NFYC: variants seen among roughly 807,000 people sequenced by gnomAD.
NFYC encodes nuclear transcription factor Y subunit gamma.
In NFYC, 25 loss-of-function variants were observed where a neutral mutation model predicts 53.1. The ratio of observed to expected loss-of-function variants is 0.47; its 90% CI spans 0.34 to 0.66. NFYC has a LOEUF of 0.66. Among genes scored for constraint, NFYC ranks in the 30% least tolerant of loss-of-function variants. The pLI is 0.01. For synonymous variants in NFYC, 145 were observed against 152.6 expected (o/e 0.95, Z 0.37); for missense variants, 260 against 422.7 (o/e 0.62, Z 3.38).
At chr1:40,699,686 C>T (rs1643337390) in intron 1 of NFYC, among the ~76,000 whole-genome samples, 1 of 152,158 alleles carries the variant, frequency 6.6e-6, no homozygotes, top group Non-Finnish European at 1.5e-5. Context: ...GTGTGTAAAA[C>T]TCTAACCATT....
At chr1:40,739,964 A>C (rs762804871) in intron 2 of NFYC, among the ~76,000 whole-genome samples, 1 of 152,192 alleles carries the variant, frequency 6.6e-6, no homozygotes, top group Non-Finnish European at 1.5e-5. Flanking sequence ...CCTGGAGGTT[A>C]CTGTGTGTTT....
intron 6 of NFYC, among the ~76,000 whole-genome samples, chr1:40,759,313 T>C (rs1233322637): frequency 6.6e-6 from 1 of 151,592 alleles, no homozygotes; most frequent in Non-Finnish European, 1.5e-5. Flanking sequence ...GGCAGGAGGA[T>C]TGCTTGAGCC....
intron 1 of NFYC, among the ~76,000 whole-genome samples, chr1:40,738,063 C>T (rs1308466410): frequency 3.3e-5 from 5 of 151,866 alleles, no homozygotes; most frequent in Non-Finnish European, 5.9e-5. Context: ...CCACTACGCC[C>T]GGCTAATTTT....
intron 1 of NFYC, chr1:40,692,079 C>T (rs544443421): frequency 3.6e-4 from 72 of 198,080 alleles, no homozygotes; most frequent in African/African-American, 1.6e-3. Context: ...CTCGTCGGCC[C>T]GGCCCGCGGG....
chr1:40,738,624 A>G (rs539272995), intron 1 of NFYC, among the ~76,000 whole-genome samples: 1 of 152,346 alleles, frequency 6.6e-6, no homozygotes, highest in South Asian at 2.1e-4. Flanking sequence ...AGTAGTCTCT[A>G]TGGTATAAGC....
intron 1 of NFYC, among the ~76,000 whole-genome samples, chr1:40,706,361 C>T (rs971452507): frequency 6.6e-6 from 1 of 152,072 alleles, no homozygotes; most frequent in African/African-American, 2.4e-5. Context: ...GTTCAGAAAT[C>T]ATTTCATTTC....
intron 7 of NFYC, chr1:40,763,609 AG>A: frequency 2.9e-6 from 1 of 347,328 alleles, no homozygotes; most frequent in South Asian, 2.2e-5. Flanking sequence ...GGCCTCCCAA[AG>A]TGCTGGGATT....
At chr1:40,768,587 T>C (rs917949998) in intron 8 of NFYC, 1 of 152,380 alleles carries the variant, frequency 6.6e-6, no homozygotes, top group Admixed American at 6.5e-5. Context: ...TAGGAACACA[T>C]GTGCATGCAC....
In NFYC at chr1:40,702,920, G is replaced by T. The variant is rs138197228; in HGVS notation, c.-9+11053G>T. The stretch of plus-strand genomic sequence containing the variant: ...CATCCTCCACCTCCCAGGTTCAAGC[G>T]ATTCTGCTGCCCCAGCCTCCCGAGT... On this transcript the variant is annotated intron_variant, in intron 1 of 9. Transcript: ENST00000447388. 3.9e-3 allele frequency among the ~76,000 whole-genome samples: 594 copies of T among 152,138 alleles called. 4 individuals are homozygous for T. Among genetic ancestry groups the T allele is most frequent in the Admixed American group, 6.2e-3 (95 of 15,292 alleles).
chr1:40,716,978 A>T (rs1644159756), intron 1 of NFYC, among the ~76,000 whole-genome samples: 1 of 152,164 alleles, frequency 6.6e-6, no homozygotes, highest in Non-Finnish European at 1.5e-5. Context: ...GGAAAAGAAG[A>T]TAGATTTGAT....
chr1:40,691,738 C>G lies in NFYC; in HGVS notation c.-138C>G, dbSNP rs564595960. 3.7e-3 allele frequency: 1,698 copies of G among 455,546 alleles called. 16 individuals carry two copies. Among genetic ancestry groups the G allele is most frequent in the African/African-American group, 0.021 (1,058 of 50,052 alleles). 28.2% of individuals were successfully genotyped at this position (455,546 alleles called of 1,614,324 possible). On this transcript the variant is annotated 5_prime_UTR_variant, in exon 1 of 10. Coordinates refer to ENST00000447388, the MANE Select transcript of NFYC (RefSeq NM_014223.5). The stretch of plus-strand genomic sequence containing the variant: ...GTGGCCGCCATCTTGCTTGTGCCCC[C>G]GCTTCGCGCGCGCTCCGTTCTCCGT...
chr1:40,720,366 A>G (rs1644285399), intron 1 of NFYC, among the ~76,000 whole-genome samples: 1 of 152,050 alleles, frequency 6.6e-6, no homozygotes, highest in Admixed American at 6.6e-5. Context: ...CACCAGCACA[A>G]TCTCCCATTT....
intron 1 of NFYC, chr1:40,735,742 C>T: frequency 8.1e-6 from 8 of 985,262 alleles, no homozygotes; most frequent in Non-Finnish European, 9.6e-6. Context: ...GGGACCCATG[C>T]AATAAAAGGT....
In NFYC at chr1:40,762,950, A is replaced by C; in HGVS notation, c.624A>C (p.Pro208=). Residue 208 remains proline, a synonymous_variant, in exon 7 of 10, where the codon CCA becomes CCC. Transcript: ENST00000447388. The part of the protein sequence containing the change: ...GQQVQIVQAQ[P]QGQAQQAQSG... The stretch of plus-strand genomic sequence containing the variant: ...AGGTGCAGATTGTCCAGGCTCAGCC[A>C]CAGGGTCAAGCCCAACAGGCCCAGA... 9 of 1,611,794 alleles carry C rather than the reference A, an allele frequency of 5.6e-6. No individual in the cohort carries two copies. The highest frequency in any genetic ancestry group is 7.6e-6 in the Non-Finnish European group (9 of 1,178,782).
rs1001369500 is a variant in NFYC at position 40,747,664 on chromosome 1, GCTCATTT to G, written c.177+63_177+69del. 153 of 1,120,166 alleles carry G rather than the reference GCTCATTT, an allele frequency of 1.4e-4. 1 individual carries two copies. The Admixed American group carries it at 2.6e-3, about 19-fold the overall frequency. 69.4% of individuals were successfully genotyped at this position (1,120,166 alleles called of 1,614,324 possible). On this transcript the variant is annotated intron_variant, in intron 3 of 9. Transcript: ENST00000447388. ...GAAGCTAAGTGATGGGTAGGTTATTGCTCATTTCTCTAGAGCTCAAAGTTTAATTAAA... is the reference window on the plus strand; with the variant it reads ...GAAGCTAAGTGATGGGTAGGTTATTGCTCTAGAGCTCAAAGTTTAATTAAA...
At chr1:40,769,554 C>T (rs552228621) in intron 9 of NFYC, 139 bp downstream of exon 9, 20 of 719,548 alleles carry the variant, frequency 2.8e-5, no homozygotes, top group Admixed American at 6.8e-5. Context: ...AAAACAAGTA[C>T]GGTATTTAAA....
intron 1 of NFYC, chr1:40,735,702 G>A (rs970748379): frequency 1.0e-6 from 1 of 985,254 alleles, no homozygotes; most frequent in African/African-American, 1.7e-5. Flanking sequence ...CAGTTTGCAT[G>A]GCAGATTGTG....
At chr1:40,722,810 G>A (rs1354221329) in intron 1 of NFYC, among the ~76,000 whole-genome samples, 1 of 152,152 alleles carries the variant, frequency 6.6e-6, no homozygotes, top group East Asian at 1.9e-4. Context: ...TATTTACCTC[G>A]TGCTTTAGTG....
At chr1:40,695,999 G>A (rs1643113859) in intron 1 of NFYC, among the ~76,000 whole-genome samples, 1 of 150,214 alleles carries the variant, frequency 6.7e-6, no homozygotes, top group Admixed American at 6.6e-5. Flanking sequence ...GCAGAGCCCA[G>A]ATTCAGACAC....
Sources: allele counts gnomAD v4.1 joint callset (sites outside exome capture counted in the v4.1 genomes callset), GRCh38; gene constraint gnomAD v4.1.1; transcripts MANE v1.5; gene names NCBI Gene and HGNC (gene_info 2026-07-23, HGNC 2026-07-21).